DCC: variants seen among roughly 807,000 people sequenced by gnomAD.
The protein encoded by DCC is DCC netrin 1 receptor.
Under a neutral mutation model 172.5 loss-of-function variants are expected in DCC, and 58 were observed. The observed-to-expected ratio is 0.34, with a 90% CI of 0.27 to 0.42. The LOEUF is 0.42. DCC is among the 10% of genes least tolerant of loss of function. The pLI is 1.00. For missense variants in DCC, 1,740 were observed against 1,791.0 expected (o/e 0.97, Z 0.51); for synonymous variants, 709 against 644.5 (o/e 1.10, Z -1.52).
chr18:53,146,221 C>CA (rs904285341), intron 7 of DCC, among the ~76,000 whole-genome samples: 1 of 150,578 alleles, frequency 6.6e-6, no homozygotes, highest in Non-Finnish European at 1.5e-5. Flanking sequence ...ACTCTGTCTC[C>CA]AAAAAATAAA....
intron 12 of DCC, among the ~76,000 whole-genome samples, chr18:53,222,383 CT>C (rs67373546): frequency 0.036 from 3,752 of 104,030 alleles, 70 homozygotes; most frequent in African/African-American, 0.14. Flanking sequence ...TTTCTTTTTT[CT>C]TTTTTTTTTT....
intron 12 of DCC, among the ~76,000 whole-genome samples, chr18:53,276,144 A>G (rs992470781): frequency 7.2e-5 from 11 of 152,302 alleles, no homozygotes; most frequent in African/African-American, 2.6e-4. Flanking sequence ...GTAATAAACT[A>G]TCAACTTTGA....
intron 7 of DCC, among the ~76,000 whole-genome samples, chr18:53,089,921 G>A (rs974581563): frequency 6.6e-6 from 1 of 152,040 alleles, no homozygotes; most frequent in Non-Finnish European, 1.5e-5. Flanking sequence ...ATTAACTTGT[G>A]TTACTGCCAC....
intron 12 of DCC, among the ~76,000 whole-genome samples, chr18:53,295,693 T>C (rs2057058190): frequency 6.6e-6 from 1 of 152,238 alleles, no homozygotes; most frequent in Admixed American, 6.5e-5. Context: ...TTCTATATCC[T>C]CTGAGTGTTT....
At chr18:52,461,994 C>T (rs1232623232) in intron 1 of DCC, among the ~76,000 whole-genome samples, 1 of 152,170 alleles carries the variant, frequency 6.6e-6, no homozygotes. Context: ...CTTTCAATTG[C>T]TTAGGGCAAA....
chr18:53,502,559 A>G (rs2046116587), intron 27 of DCC, among the ~76,000 whole-genome samples: 1 of 152,226 alleles, frequency 6.6e-6, no homozygotes, highest in African/African-American at 2.4e-5. Flanking sequence ...TTTGATTCTA[A>G]GAAAATCATT....
At chr18:52,854,217 T>C (rs1392616474) in intron 2 of DCC, among the ~76,000 whole-genome samples, 1 of 152,212 alleles carries the variant, frequency 6.6e-6, no homozygotes, top group Non-Finnish European at 1.5e-5. Context: ...TTTGATTCTA[T>C]TTTGCATCAT....
intron 1 of DCC, among the ~76,000 whole-genome samples, chr18:52,540,711 A>G (rs571070303): frequency 7.3e-6 from 1 of 137,378 alleles, no homozygotes; most frequent in Non-Finnish European, 1.5e-5. Flanking sequence ...GGTTCATGCC[A>G]TTCTCCTGCC....
intron 7 of DCC, among the ~76,000 whole-genome samples, chr18:53,111,401 A>T (rs911001850): frequency 1.5e-4 from 21 of 144,474 alleles, no homozygotes; most frequent in Non-Finnish European, 2.7e-4. Flanking sequence ...AAGTATAATA[A>T]TAATAAAATA....
chr18:52,585,048 C>T (rs2033640454), intron 1 of DCC, among the ~76,000 whole-genome samples: 1 of 152,186 alleles, frequency 6.6e-6, no homozygotes, highest in Non-Finnish European at 1.5e-5. Context: ...TAACATATCA[C>T]TAAGACGGTA....
At chr18:53,114,621 A>T (rs1400524366) in intron 7 of DCC, among the ~76,000 whole-genome samples, 1 of 151,550 alleles carries the variant, frequency 6.6e-6, no homozygotes, top group African/African-American at 2.4e-5. Flanking sequence ...TGAGCCCACA[A>T]AAAGGAACAG....
intron 1 of DCC, among the ~76,000 whole-genome samples, chr18:52,470,935 C>A (rs1988928529): frequency 6.6e-6 from 1 of 152,148 alleles, no homozygotes; most frequent in Non-Finnish European, 1.5e-5. Flanking sequence ...TGCTGTAAGG[C>A]ACTGAAAAAG....
chr18:52,509,857 C>T (rs62081289), intron 1 of DCC, among the ~76,000 whole-genome samples: 8,882 of 152,234 alleles, frequency 0.058, 335 homozygotes, highest in Middle Eastern at 0.11. Context: ...TAATCCAGCA[C>T]TTTGGGAGGC....
At chr18:53,437,661 G>A (rs11082998) in intron 22 of DCC, among the ~76,000 whole-genome samples, 65,200 of 149,704 alleles carry the variant, frequency 0.44, 16,001 homozygotes, top group Non-Finnish European at 0.57. Flanking sequence ...ACAGACCCCA[G>A]GCCATGCTCC....
chr18:52,489,120 G>A (rs2030372506), intron 1 of DCC, among the ~76,000 whole-genome samples: 1 of 152,056 alleles, frequency 6.6e-6, no homozygotes, highest in South Asian at 2.1e-4. Flanking sequence ...TCTATTCAGT[G>A]TGTACTGAAT....
chr18:53,252,052 T>C (rs1342580239), intron 12 of DCC, among the ~76,000 whole-genome samples: 1 of 151,938 alleles, frequency 6.6e-6, no homozygotes, highest in East Asian at 1.9e-4. Flanking sequence ...CATGTATGTT[T>C]CCTATATTTT....
chr18:52,752,150 C>T lies in DCC; in HGVS notation c.188C>T (p.Ala63Val), dbSNP rs760978364. ...GGAAATGTCCTCCTCGACTGCTCCGCGGAGTCCGACCGAGGAGTTCCAGTG... is the reference window on the plus strand; with the variant it reads ...GGAAATGTCCTCCTCGACTGCTCCGTGGAGTCCGACCGAGGAGTTCCAGTG... ...RGGNVLLDCS[A>V]ESDRGVPVIK... The change falls in exon 2 of 29, where the codon GCG (alanine) becomes GTG (valine). Residue 63 changes from alanine (A) to valine (V), a missense_variant. Ala to Val is a moderately conservative substitution (Grantham distance 64). Coordinates refer to ENST00000442544, the MANE Select transcript of DCC (RefSeq NM_005215.4). 6 of 1,614,136 alleles carry T rather than the reference C, an allele frequency of 3.7e-6. No homozygotes were observed. In the Admixed American group the frequency reaches 1.0e-4, roughly 27 times the overall value.
intron 1 of DCC, among the ~76,000 whole-genome samples, chr18:52,407,814 A>G (rs1986704430): frequency 1.3e-5 from 2 of 152,170 alleles, no homozygotes; most frequent in South Asian, 4.1e-4. Flanking sequence ...TTCTGTGTAC[A>G]GCTTCCCTCT....
chr18:52,415,798 A>G (rs1169015147), intron 1 of DCC, among the ~76,000 whole-genome samples: 2 of 150,972 alleles, frequency 1.3e-5, no homozygotes, highest in Non-Finnish European at 3.0e-5. Flanking sequence ...TGGTCTATCA[A>G]TTTTGTTGAT....
Sources: allele counts gnomAD v4.1 joint callset (sites outside exome capture counted in the v4.1 genomes callset), GRCh38; gene constraint gnomAD v4.1.1; transcripts MANE v1.5; gene names NCBI Gene and HGNC (gene_info 2026-07-23, HGNC 2026-07-21).